RANGAP1: variants seen among roughly 807,000 people sequenced by gnomAD.
RANGAP1 encodes the protein ran GTPase-activating protein 1.
RANGAP1 carries 38 observed loss-of-function variants against 63.5 expected under a neutral mutation model. The observed-to-expected ratio is 0.60, with a 90% CI of 0.46 to 0.78. The LOEUF (loss-of-function observed/expected upper bound fraction) is 0.78, where lower values mean the gene tolerates loss of function less well. Ranked by LOEUF, RANGAP1 falls within the 30% of genes least tolerant of loss-of-function variation. The pLI is 0.00. For missense variants in RANGAP1, 630 were observed against 740.3 expected, an observed-to-expected ratio of 0.85 and a Z score of 1.73; for synonymous variants, 329 against 310.5, an observed-to-expected ratio of 1.06 and a Z score of -0.63.
At chr22:41,250,301 T>C (rs1283026188) in intron 13 of RANGAP1, among the ~76,000 whole-genome samples, 2 of 152,228 alleles carry the variant, frequency 1.3e-5, no homozygotes, top group Non-Finnish European at 2.9e-5. Context: ...CCGAGCCTCA[T>C]TTCCCACTGA....
intron 15 of RANGAP1, among the ~76,000 whole-genome samples, chr22:41,247,051 CTTTT>C (rs1224269391): frequency 6.6e-6 from 1 of 152,024 alleles, no homozygotes; most frequent in African/African-American, 2.4e-5. Context: ...TGCTTTTTTT[CTTTT>C]TCTTTTTCTT....
chr22:41,250,708 C>T lies in RANGAP1; in HGVS notation c.1483+299G>A, dbSNP rs2053845992. 2.0e-5 allele frequency among the ~76,000 whole-genome samples: 3 copies of T among 152,196 alleles called. No individual in the cohort carries two copies. The South Asian group carries it at 6.2e-4, about 32-fold the overall frequency. On this transcript the variant is annotated intron_variant, in intron 13 of 15. Transcript: ENST00000356244. ...CTCACCATCCCTCCTCCCGATAGAC[C>T]TGCGTCCATTGGGCTTGCAGATGTG...
intron 1 of RANGAP1, among the ~76,000 whole-genome samples, chr22:41,283,920 G>A (rs2035622815): frequency 6.6e-6 from 1 of 152,184 alleles, no homozygotes; most frequent in African/African-American, 2.4e-5. Flanking sequence ...TTTAGAAGGT[G>A]CTCAAGAAAC....
rs182697289 is a variant in RANGAP1, at chr22:41,249,605, C to T, written c.1572+124G>A. ...AGGCTGCTGGGGCAGACCCAGGCCT[C>T]GGGGCCCCGTGGGCGAGCCGGCTCA... On this transcript the variant is annotated intron_variant, in intron 14 of 15. Coordinates refer to ENST00000356244, the MANE Select transcript of RANGAP1 (RefSeq NM_002883.4). 2,287 of 1,527,982 alleles carry T rather than the reference C, an allele frequency of 1.5e-3. 32 individuals are homozygous for T. The African/African-American group carries it at 0.026, about 17-fold the overall frequency. The allele number at this position is 1,527,982 out of a possible 1,614,324, so 94.7% of individuals were successfully genotyped here.
At position 41,251,124 on chromosome 22, in the gene RANGAP1, G is replaced by A. The variant is rs1464215003; in HGVS notation, c.1381-15C>T. 1.2e-6 allele frequency: 2 copies of A among 1,608,242 alleles called. No homozygotes were observed. Among genetic ancestry groups the A allele is most frequent in the East Asian group, 2.2e-5 (1 of 44,856 alleles). The stretch of plus-strand genomic sequence containing the variant: ...GACGTGTCAGTCTGAGGACAAAAGA[G>A]ACAATGGTTGGCCTGTGGCACGTGG... On this transcript the variant is annotated splice_polypyrimidine_tract_variant and intron_variant, in intron 12 of 15. Transcript: ENST00000356244.
chr22:41,258,686 G>A (rs542419036), intron 6 of RANGAP1, among the ~76,000 whole-genome samples: 23 of 151,570 alleles, frequency 1.5e-4, no homozygotes, highest in Middle Eastern at 3.4e-3. Flanking sequence ...ACGGAGTCTC[G>A]TTCCGTCGCC....
At chr22:41,272,100 G>A (rs1038529131) in intron 3 of RANGAP1, among the ~76,000 whole-genome samples, 5 of 152,244 alleles carry the variant, frequency 3.3e-5, no homozygotes, top group African/African-American at 1.2e-4. Context: ...CGCAGGGCAA[G>A]GCCACGTACG....
In RANGAP1 at chr22:41,256,101, G is replaced by A; in HGVS notation, c.993C>T (p.Asn331=). Residue 331 remains asparagine (N), a synonymous_variant, in exon 10 of 16, where the codon AAC becomes AAT. Coordinates refer to ENST00000356244, the MANE Select transcript of RANGAP1 (RefSeq NM_002883.4). The stretch of plus-strand genomic sequence containing the variant: ...GTTCACAGCCTTCTTCTCCCAGGGT[G>A]TTGCCTGCTCAAGGGGAGGGAAGAG... The part of the protein sequence containing the change: ...AELEKLDLNG[N]TLGEEGCEQL... 4 of 1,614,124 alleles carry A rather than the reference G, an allele frequency of 2.5e-6. No homozygotes were observed. The highest frequency in any genetic ancestry group is 2.7e-5 in the African/African-American group (2 of 75,034).
the RANGAP1 span, among the ~76,000 whole-genome samples, chr22:41,294,199 G>C: frequency 6.6e-6 from 1 of 152,352 alleles, no homozygotes; most frequent in Admixed American, 6.5e-5. Flanking sequence ...TTGAAGGCGT[G>C]CGCCGCCACG....
At chr22:41,286,471 C>T (rs904767502), upstream of RANGAP1, among the ~76,000 whole-genome samples, 1 of 152,250 alleles carries the variant, frequency 6.6e-6, no homozygotes, top group African/African-American at 2.4e-5. Context: ...CGGGAGCGCC[C>T]AGAGACTACA....
At chr22:41,291,757 C>T in the RANGAP1 span, among the ~76,000 whole-genome samples, 2 of 151,114 alleles carry the variant, frequency 1.3e-5, no homozygotes, top group African/African-American at 4.9e-5. Flanking sequence ...AAAAATTAGC[C>T]GGGCGTGATG....
chr22:41,274,493 CCA>C, intron 3 of RANGAP1, 105 bp downstream of exon 3: 1 of 1,509,226 alleles, frequency 6.6e-7, no homozygotes, highest in Non-Finnish European at 9.0e-7. Flanking sequence ...TGGGGTACAG[CCA>C]CACAGGCAGG....
the RANGAP1 span, chr22:41,301,830 G>C: frequency 6.6e-6 from 1 of 151,968 alleles, no homozygotes; most frequent in Admixed American, 6.5e-5. Context: ...ACTGCGTCCG[G>C]AGCCGCCCGC....
At chr22:41,299,137 A>AT in the RANGAP1 span, among the ~76,000 whole-genome samples, 106 of 146,004 alleles carry the variant, frequency 7.3e-4, no homozygotes, top group African/African-American at 1.2e-3. Context: ...CAACATATGA[A>AT]TTTTTTTTTT....
chr22:41,250,164 G>A (rs1213923436), intron 13 of RANGAP1, among the ~76,000 whole-genome samples: 1 of 152,228 alleles, frequency 6.6e-6, no homozygotes, highest in Non-Finnish European at 1.5e-5. Context: ...GGTTATTTTG[G>A]CAGGGTGAGG....
In RANGAP1 at chr22:41,280,926, A is replaced by C; in HGVS notation, c.112+7T>G. 1 of 1,613,914 alleles carries C rather than the reference A, an allele frequency of 6.2e-7. No homozygotes were observed. The highest frequency in any genetic ancestry group is 8.5e-7 in the Non-Finnish European group (1 of 1,180,026). ...GACACACCAGTGCACAACTTCCAGA[A>C]ACTCACCATCTTCTGCAGTGTTGAG... On this transcript the variant is annotated splice_region_variant and intron_variant, in intron 2 of 15. Transcript: ENST00000356244.
chr22:41,251,621 G>A (rs1181102959), intron 12 of RANGAP1, among the ~76,000 whole-genome samples: 2 of 142,518 alleles, frequency 1.4e-5, no homozygotes, highest in African/African-American at 5.3e-5. Context: ...GCAAAACATT[G>A]TCTCAGAAAA....
chr22:41,263,958 T>C (rs189094835), intron 5 of RANGAP1, among the ~76,000 whole-genome samples: 3 of 152,372 alleles, frequency 2.0e-5, no homozygotes, highest in Non-Finnish European at 2.9e-5. Flanking sequence ...CACCTTTCAG[T>C]GTGGGTGGGA....
rs74870503 is a variant in RANGAP1, at chr22:41,281,149, G to C, written c.-38-67C>G. On this transcript the variant is annotated intron_variant, in intron 1 of 15. Coordinates refer to ENST00000356244, the MANE Select transcript of RANGAP1 (RefSeq NM_002883.4). ...GGGCCCCTGGTTGGGGGCAGGGTAG[G>C]ACATCAGCCATCTCAGGAGTCTGAC... 3.5e-4 allele frequency: 499 copies of C among 1,417,544 alleles called. 2 individuals are homozygous for C. The African/African-American group carries it at 6.5e-3, about 18-fold the overall frequency. The allele number at this position is 1,417,544 out of a possible 1,614,324, so 87.8% of individuals were successfully genotyped here.
Sources: gnomAD v4.1 joint callset for allele counts (sites outside exome capture counted in the v4.1 genomes callset) on GRCh38, gnomAD v4.1.1 for gene constraint, MANE v1.5 for transcripts, NCBI Gene and HGNC (gene_info 2026-07-23, HGNC 2026-07-21) for gene names.